Variants in CDA observed in about 807,000 individuals in gnomAD.
CDA encodes the protein cytidine aminohydrolase.
A neutral mutation model predicts 15.0 loss-of-function variants in CDA; 7 were observed. That is an observed-to-expected ratio of 0.47 (90% CI 0.26 to 0.87). The LOEUF (loss-of-function observed/expected upper bound fraction) is 0.87. Ranked by LOEUF, CDA falls within the 40% of genes least tolerant of loss-of-function variation. CDA has a pLI of 0.15. For missense variants in CDA, 159 were observed against 182.7 expected (o/e 0.87, Z 0.75); for synonymous variants, 58 against 73.0 (o/e 0.79, Z 1.05).
chr1:20,597,564 AGTT>A (rs771210226), intron 1 of CDA, among the ~76,000 whole-genome samples: 1 of 152,244 alleles, frequency 6.6e-6, no homozygotes, highest in Non-Finnish European at 1.5e-5. Flanking sequence ...CTTACCCAAC[AGTT>A]AAAAGGATTA....
Position 20,604,945 on chromosome 1 carries a change from G to A in CDA, c.172G>A (p.Ala58Thr), listed in dbSNP as rs776129697. Residue 58 changes from alanine to threonine, a missense_variant, in exon 2 of 4, where the codon GCC (alanine) becomes ACC (threonine). Physicochemically the swap from Ala to Thr is moderately conservative, Grantham distance 58. Coordinates refer to ENST00000375071, the MANE Select transcript of CDA (RefSeq NM_001785.3). ...CTTCTCAGGGTGCAACATAGAAAAT[G>A]CCTGCTACCCGCTGGGCATCTGTGC... ...RIFKGCNIEN[A>T]CYPLGICAER... 1.2e-6 allele frequency: 2 copies of A among 1,612,620 alleles called. No homozygotes were observed. Among genetic ancestry groups the A allele is most frequent in the East Asian group, 2.2e-5 (1 of 44,870 alleles).
chr1:20,594,126 G>C (rs189237178), intron 1 of CDA, among the ~76,000 whole-genome samples: 1 of 152,178 alleles, frequency 6.6e-6, no homozygotes, highest in African/African-American at 2.4e-5. Flanking sequence ...ACACAAGACC[G>C]GCACAGGTGA....
In CDA at chr1:20,604,969, G is replaced by A. The variant is rs2154532386; in HGVS notation, c.196G>A (p.Ala66Thr). Reference protein sequence around the residue: ...ENACYPLGICAERTAIQKAVS... With the variant: ...ENACYPLGICTERTAIQKAVS... ...TGCCTGCTACCCGCTGGGCATCTGT[G>A]CTGAACGGACCGCTATCCAGAAGGC... Residue 66 changes from alanine to threonine, a missense_variant, in exon 2 of 4, where the codon GCT (alanine) becomes ACT (threonine). Ala to Thr is a moderately conservative substitution (Grantham distance 58). Transcript: ENST00000375071. 1 of 1,613,952 alleles carries A rather than the reference G, an allele frequency of 6.2e-7. No homozygotes were observed.
intron 1 of CDA, among the ~76,000 whole-genome samples, chr1:20,597,025 G>A (rs926112053): frequency 6.6e-6 from 1 of 152,102 alleles, no homozygotes; most frequent in African/African-American, 2.4e-5. Flanking sequence ...GCCTCTAAAA[G>A]TACTGGGATT....
intron 3 of CDA, among the ~76,000 whole-genome samples, chr1:20,617,788 G>A (rs1390337218): frequency 3.1e-5 from 4 of 128,544 alleles, no homozygotes; most frequent in Non-Finnish European, 5.0e-5. Flanking sequence ...TCTGCCTCCC[G>A]GGTTCCAGAG....
chr1:20,610,839 C>T (rs370683468), intron 2 of CDA, among the ~76,000 whole-genome samples: 33 of 152,254 alleles, frequency 2.2e-4, no homozygotes, highest in East Asian at 9.7e-4. Context: ...AAGCAGATGA[C>T]GTATCATCCA....
At chr1:20,607,678 C>T (rs2052706596) in intron 2 of CDA, among the ~76,000 whole-genome samples, 1 of 152,172 alleles carries the variant, frequency 6.6e-6, no homozygotes, top group Admixed American at 6.5e-5. Flanking sequence ...TCCTTATTTA[C>T]ACAAAACCTG....
At position 20,613,858 on chromosome 1, in the gene CDA, T is replaced by G; in HGVS notation, c.283T>G (p.Phe95Val). 6.2e-7 allele frequency: 1 copy of G among 1,614,086 alleles called. No homozygotes were observed. Among genetic ancestry groups the G allele is most frequent in the Non-Finnish European group, 8.5e-7 (1 of 1,179,950 alleles). ...IAIASDMQDD[F>V]ISPCGACRQV... ...CTTCCCCAGTGACATGCAAGATGATTTTATCTCTCCATGTGGGGCCTGCAG... is the reference window on the plus strand; with the variant it reads ...CTTCCCCAGTGACATGCAAGATGATGTTATCTCTCCATGTGGGGCCTGCAG... Residue 95 changes from phenylalanine to valine, a missense_variant, in exon 3 of 4, where the codon TTT (phenylalanine) becomes GTT (valine). Physicochemically the swap from Phe to Val is conservative, Grantham distance 50. Transcript: ENST00000375071.
Position 20,618,759 on chromosome 1 carries a change from G to A in CDA, c.*191G>A, listed in dbSNP as rs113912248. ...CTGCCTTGGGACTTAGAACACCGCC[G>A]CCCCCTGCCCCACCTTTCCTTTCCT... On this transcript the variant is annotated 3_prime_UTR_variant, in exon 4 of 4. Coordinates refer to ENST00000375071, the MANE Select transcript of CDA (RefSeq NM_001785.3). The A allele has an allele frequency of 3.4e-6, 2 of 585,866 alleles. No homozygotes were observed. Among genetic ancestry groups the A allele is most frequent in the Non-Finnish European group, 6.2e-6 (2 of 321,034 alleles). 36.3% of individuals were successfully genotyped at this position (585,866 alleles called of 1,614,324 possible).
chr1:20,595,126 A>G (rs924553819), intron 1 of CDA, among the ~76,000 whole-genome samples: 7 of 152,106 alleles, frequency 4.6e-5, no homozygotes, highest in Non-Finnish European at 1.0e-4. Flanking sequence ...TATCTTCTTC[A>G]GCTCATGACC....
intron 1 of CDA, among the ~76,000 whole-genome samples, chr1:20,593,411 G>A (rs1028485991): frequency 6.6e-6 from 1 of 152,152 alleles, no homozygotes; most frequent in African/African-American, 2.4e-5. Flanking sequence ...AACCAGAGCG[G>A]GCAAGGGTAG....
intron 2 of CDA, among the ~76,000 whole-genome samples, chr1:20,610,289 TATTTTTATTTATTTATTTTTA>T (rs2052736442): frequency 1.4e-5 from 2 of 146,870 alleles, no homozygotes; most frequent in Non-Finnish European, 3.0e-5. Flanking sequence ...ATTTTATTTT[TATTTTTATTTATTTATTTTTA>T]TTTTTTTTTG....
chr1:20,597,480 G>A (rs950580137), intron 1 of CDA, among the ~76,000 whole-genome samples: 16 of 152,162 alleles, frequency 1.1e-4, no homozygotes, highest in Non-Finnish European at 2.2e-4. Context: ...TCACAGGCCA[G>A]GATGCATGTT....
chr1:20,589,321 C>T (rs780108750), intron 1 of CDA, 38 bp downstream of exon 1: 2 of 1,601,934 alleles, frequency 1.2e-6, no homozygotes, highest in South Asian at 2.2e-5. Context: ...AGCCCAGCAG[C>T]CTGGGTGGTG....
chr1:20,612,060 G>A (rs1378483944), intron 2 of CDA, among the ~76,000 whole-genome samples: 8 of 151,260 alleles, frequency 5.3e-5, no homozygotes, highest in South Asian at 2.1e-4. Context: ...ATGCAGTTTC[G>A]CCATGTTGGC....
intron 1 of CDA, among the ~76,000 whole-genome samples, chr1:20,604,295 G>T (rs1453158935): frequency 6.6e-6 from 1 of 152,300 alleles, no homozygotes; most frequent in East Asian, 1.9e-4. Flanking sequence ...AAAGTCCAGG[G>T]TTCAAGGCAC....
At chr1:20,589,592 G>A (rs969671823) in intron 1 of CDA, among the ~76,000 whole-genome samples, 1 of 152,170 alleles carries the variant, frequency 6.6e-6, no homozygotes, top group Non-Finnish European at 1.5e-5. Context: ...GAGAGCGTTC[G>A]TGCTTTCCCA....
At chr1:20,599,977 T>C (rs1049973038) in intron 1 of CDA, among the ~76,000 whole-genome samples, 8 of 152,224 alleles carry the variant, frequency 5.3e-5, no homozygotes, top group African/African-American at 2.4e-5. Flanking sequence ...TCAGAGCCAG[T>C]TGGGCAAAGA....
Position 20,613,870 on chromosome 1 carries a change from T to G in CDA, c.295T>G (p.Cys99Gly). Reference protein sequence around the residue: ...SDMQDDFISPCGACRQVMREF... With the variant: ...SDMQDDFISPGGACRQVMREF... ...CATGCAAGATGATTTTATCTCTCCA[T>G]GTGGGGCCTGCAGGCAAGTCATGAG... is the stretch of plus-strand genomic sequence containing the variant. The change falls in exon 3 of 4, where the codon TGT becomes GGT. Residue 99 changes from cysteine to glycine, a missense_variant. Transcript: ENST00000375071. 6.2e-7 allele frequency: 1 copy of G among 1,613,976 alleles called. No homozygotes were observed. Among genetic ancestry groups the G allele is most frequent in the African/African-American group, 1.3e-5 (1 of 75,064 alleles).
Sources: allele counts gnomAD v4.1 joint callset (sites outside exome capture counted in the v4.1 genomes callset), GRCh38; gene constraint gnomAD v4.1.1; transcripts MANE v1.5; gene names NCBI Gene and HGNC (gene_info 2026-07-23, HGNC 2026-07-21).